Variants in DRC8 observed in about 807,000 individuals in gnomAD.
DRC8 encodes dynein regulatory complex protein 8.
At chr1:244,983,838 G>T in the DRC8 span, among the ~76,000 whole-genome samples, 3 of 151,534 alleles carry the variant, frequency 2.0e-5, no homozygotes, top group Non-Finnish European at 4.4e-5. Context: ...TTTACTTAAG[G>T]TTTGTCTAAC....
At chr1:245,067,909 G>A in the DRC8 span, among the ~76,000 whole-genome samples, 41 of 152,334 alleles carry the variant, frequency 2.7e-4, no homozygotes, top group African/African-American at 8.4e-4. Context: ...GGAGATGGGG[G>A]AGAATGGAAT....
the DRC8 span, among the ~76,000 whole-genome samples, chr1:245,115,925 C>T: frequency 1.3e-5 from 2 of 150,052 alleles, no homozygotes; most frequent in African/African-American, 2.5e-5. Context: ...CTCACTCTGT[C>T]GCCTAGGCTG....
the DRC8 span, among the ~76,000 whole-genome samples, chr1:245,045,182 C>T: frequency 6.6e-6 from 1 of 152,000 alleles, no homozygotes; most frequent in Non-Finnish European, 1.5e-5. Flanking sequence ...GCTAATTTTA[C>T]ATTTTTTTGT....
chr1:245,018,999 T>G, the DRC8 span, among the ~76,000 whole-genome samples: 1 of 152,192 alleles, frequency 6.6e-6, no homozygotes, highest in East Asian at 1.9e-4. Flanking sequence ...TCTTCTGCCT[T>G]CAGGCTTCCT....
chr1:245,058,098 G>A, the DRC8 span, among the ~76,000 whole-genome samples: 11 of 152,176 alleles, frequency 7.2e-5, no homozygotes, highest in African/African-American at 2.4e-4. Flanking sequence ...GCGATTAGCC[G>A]TGCATGGTGG....
the DRC8 span, among the ~76,000 whole-genome samples, chr1:245,022,711 G>A: frequency 2.6e-5 from 4 of 152,016 alleles, no homozygotes; most frequent in Admixed American, 2.6e-4. Flanking sequence ...GCATGTGCAT[G>A]TGCGTGTGCG....
At chr1:245,013,837 T>C in the DRC8 span, among the ~76,000 whole-genome samples, 1 of 151,690 alleles carries the variant, frequency 6.6e-6, no homozygotes, top group East Asian at 1.9e-4. Flanking sequence ...TTGAGACCAG[T>C]CTGACCAATA....
At chr1:245,099,709 G>A in the DRC8 span, among the ~76,000 whole-genome samples, 1 of 152,242 alleles carries the variant, frequency 6.6e-6, no homozygotes, top group Non-Finnish European at 1.5e-5. Flanking sequence ...AGAAGACGAT[G>A]TGAGGAAGGA....
the DRC8 span, among the ~76,000 whole-genome samples, chr1:245,038,511 T>C: frequency 6.6e-6 from 1 of 152,180 alleles, no homozygotes; most frequent in East Asian, 1.9e-4. Context: ...TGTTTGATAT[T>C]AAAACATACT....
the DRC8 span, among the ~76,000 whole-genome samples, chr1:244,981,299 A>T: frequency 1.3e-5 from 2 of 152,166 alleles, no homozygotes; most frequent in Non-Finnish European, 2.9e-5. Flanking sequence ...TGTGAATAAG[A>T]TTGAAAGCAC....
At chr1:244,980,218 C>CAAAAAAAAAAA in the DRC8 span, among the ~76,000 whole-genome samples, 10 of 64,956 alleles carry the variant, frequency 1.5e-4, no homozygotes, top group African/African-American at 4.5e-4. Context: ...GACTCCGTCT[C>CAAAAAAAAAAA]AAAAAAAAAA....
chr1:245,015,602 C>A, the DRC8 span: 2 of 164,508 alleles, frequency 1.2e-5, no homozygotes, highest in Non-Finnish European at 2.6e-5. Flanking sequence ...CCCAGCTACT[C>A]AGGAGGCAGA....
chr1:245,005,598 C>G, the DRC8 span, among the ~76,000 whole-genome samples: 1 of 152,150 alleles, frequency 6.6e-6, no homozygotes, highest in African/African-American at 2.4e-5. Context: ...CTGCCTCGGC[C>G]TCCCAAAGTG....
chr1:244,995,014 T>A, the DRC8 span, among the ~76,000 whole-genome samples: 1 of 152,186 alleles, frequency 6.6e-6, no homozygotes, highest in African/African-American at 2.4e-5. Context: ...TTAACAGGCT[T>A]TCCTTTAGGT....
the DRC8 span, among the ~76,000 whole-genome samples, chr1:244,984,216 C>T: frequency 6.6e-6 from 1 of 152,168 alleles, no homozygotes; most frequent in African/African-American, 2.4e-5. Context: ...TCTGTGAGTA[C>T]CTTGTGATCC....
the DRC8 span, among the ~76,000 whole-genome samples, chr1:245,051,765 TAAAG>T: frequency 1.3e-5 from 2 of 152,222 alleles, no homozygotes; most frequent in South Asian, 2.1e-4. Flanking sequence ...AAACAGCTAA[TAAAG>T]AAAATAATGA....
chr1:245,087,439 G>A, the DRC8 span: 4 of 1,484,244 alleles, frequency 2.7e-6, no homozygotes, highest in Non-Finnish European at 3.6e-6. Flanking sequence ...CTTATCTTAG[G>A]ATTCCTATAT....
chr1:245,022,341 T>C, the DRC8 span, among the ~76,000 whole-genome samples: 4 of 151,682 alleles, frequency 2.6e-5, no homozygotes, highest in Admixed American at 2.6e-4. Context: ...TTTCCATACT[T>C]TTAGTAGAGA....
At chr1:244,976,779 C>G in the DRC8 span, among the ~76,000 whole-genome samples, 1 of 152,172 alleles carries the variant, frequency 6.6e-6, no homozygotes, top group Non-Finnish European at 1.5e-5. Flanking sequence ...CCCAGCAGTT[C>G]CACGTGTGGG....
Sources: allele counts gnomAD v4.1 joint callset (sites outside exome capture counted in the v4.1 genomes callset), GRCh38; gene constraint gnomAD v4.1.1; transcripts MANE v1.5; gene names NCBI Gene and HGNC (gene_info 2026-07-23, HGNC 2026-07-21).